MTFMT: variants seen among roughly 807,000 people sequenced by gnomAD.
MTFMT encodes mitochondrial methionyl-tRNA formyltransferase, also known as methionyl-tRNA formyltransferase, mitochondrial.
In MTFMT, 47 loss-of-function variants were observed where a neutral mutation model predicts 51.8. The ratio of observed to expected loss-of-function variants is 0.91; its 90% CI spans 0.72 to 1.16. The LOEUF is 1.16. Ranked by LOEUF, MTFMT falls within the 50% of genes most tolerant of loss-of-function variation. The pLI is 0.00. For missense variants in MTFMT, 512 were observed against 482.3 expected, an observed-to-expected ratio of 1.06 and a Z score of -0.58; for synonymous variants, 196 against 176.7, an observed-to-expected ratio of 1.11 and a Z score of -0.87.
intron 8 of MTFMT, among the ~76,000 whole-genome samples, chr15:65,003,844 T>TAAAA (rs1566938559): frequency 2.2e-4 from 1 of 4,464 alleles, no homozygotes; most frequent in Non-Finnish European, 1.1e-3. Context: ...CAACTCCATC[T>TAAAA]CAAAAAAAAA....
chr15:65,012,281 C>T (rs1247135750), intron 6 of MTFMT, among the ~76,000 whole-genome samples: 2 of 151,078 alleles, frequency 1.3e-5, no homozygotes, highest in Non-Finnish European at 2.9e-5. Flanking sequence ...ACATTGTGCA[C>T]ATGTACCCTA....
intron 6 of MTFMT, among the ~76,000 whole-genome samples, chr15:65,006,457 A>G (rs962765713): frequency 2.6e-5 from 4 of 151,508 alleles, no homozygotes; most frequent in Admixed American, 6.6e-5. Context: ...GCTCACTGCA[A>G]GCTCCGCCTC....
intron 7 of MTFMT, among the ~76,000 whole-genome samples, chr15:65,005,284 C>T (rs1000526101): frequency 6.6e-6 from 1 of 152,160 alleles, no homozygotes; most frequent in African/African-American, 2.4e-5. Flanking sequence ...CCCTTTCATC[C>T]CTGCCCAAAC....
rs550632797 is a variant in MTFMT, at chr15:65,011,024, AACAAATGTC to A, written c.814-4842_814-4834del. 5.6e-3 allele frequency among the ~76,000 whole-genome samples: 859 copies of A among 152,232 alleles called. 2 individuals carry two copies. The highest frequency in any genetic ancestry group is 8.2e-3 in the Non-Finnish European group (555 of 68,020). Reference sequence around the variant, plus strand: ...CCATTCATATTATGTATCTGCTTGAAACAAATGTCTACTCAGGGCCAGGGCAGTGGCTCA... The same window carrying A: ...CCATTCATATTATGTATCTGCTTGAATACTCAGGGCCAGGGCAGTGGCTCA... On this transcript the variant is annotated intron_variant, in intron 6 of 8. Coordinates refer to ENST00000220058, the MANE Select transcript of MTFMT (RefSeq NM_139242.4).
At chr15:65,010,273 G>A (rs1162172521) in intron 6 of MTFMT, among the ~76,000 whole-genome samples, 1 of 151,950 alleles carries the variant, frequency 6.6e-6, no homozygotes, top group African/African-American at 2.4e-5. Context: ...CAAGTCAGTG[G>A]TTTTTAGTAG....
chr15:65,025,230 T>TAAAAAAAAA (rs776662139), intron 2 of MTFMT, among the ~76,000 whole-genome samples: 1 of 92,508 alleles, frequency 1.1e-5, no homozygotes, highest in African/African-American at 4.3e-5. Flanking sequence ...TCCCTGTCTC[T>TAAAAAAAAA]AAAAAAAAAA....
At position 65,002,214 on chromosome 15, in the gene MTFMT, C is replaced by T. The variant is rs982437910; in HGVS notation, c.*848G>A. 8.6e-5 allele frequency: 13 copies of T among 151,568 alleles called. No individual in the cohort carries two copies. Among genetic ancestry groups the T allele is most frequent in the African/African-American group, 2.2e-4 (9 of 41,256 alleles). The allele number at this position is 151,568 out of a possible 1,614,324, so 9.4% of individuals were successfully genotyped here. A position where few individuals can be genotyped will look rare whatever the true frequency, so the allele number is the denominator to read the frequency against. ...GAGATCAAGACCATCCTGGCTAACA[C>T]AGTGAAACCCCATCTCTACTAAAAA... On this transcript the variant is annotated 3_prime_UTR_variant, in exon 9 of 9. Transcript: ENST00000220058.
chr15:65,019,272 C>T (rs1274097685), intron 5 of MTFMT, among the ~76,000 whole-genome samples: 1 of 152,090 alleles, frequency 6.6e-6, no homozygotes, highest in Admixed American at 6.6e-5. Context: ...TCAAGTGGTA[C>T]CTTAAGACTG....
intron 6 of MTFMT, among the ~76,000 whole-genome samples, chr15:65,006,537 C>G (rs1266883383): frequency 6.6e-6 from 1 of 151,944 alleles, no homozygotes; most frequent in Non-Finnish European, 1.5e-5. Context: ...CAACCATGCC[C>G]GGCTAATTTT....
intron 1 of MTFMT, 24 bp from the exon 2 acceptor site, chr15:65,027,064 G>T: frequency 6.3e-7 from 1 of 1,576,476 alleles, no homozygotes; most frequent in Non-Finnish European, 8.7e-7. Context: ...GAAGAAAAAT[G>T]TGACAGTGTT....
At chr15:65,029,276 G>T in intron 1 of MTFMT, 129 bp downstream of exon 1, 1 of 1,297,044 alleles carries the variant, frequency 7.7e-7, no homozygotes, top group South Asian at 2.3e-5. Context: ...AAGACGCCGA[G>T]ATCTGGGCCC....
At chr15:65,017,160 G>T (rs2086330998) in intron 5 of MTFMT, among the ~76,000 whole-genome samples, 1 of 150,390 alleles carries the variant, frequency 6.6e-6, no homozygotes, top group African/African-American at 2.4e-5. Flanking sequence ...AACTGAATTT[G>T]CAAGTTATCT....
intron 6 of MTFMT, among the ~76,000 whole-genome samples, chr15:65,009,658 A>T (rs1008800807): frequency 2.8e-5 from 4 of 142,904 alleles, no homozygotes; most frequent in African/African-American, 5.2e-5. Context: ...TATTTTTTTA[A>T]TTTTTTTTTT....
intron 2 of MTFMT, among the ~76,000 whole-genome samples, chr15:65,025,909 C>G (rs62012460): frequency 2.0e-5 from 3 of 152,092 alleles, no homozygotes; most frequent in Non-Finnish European, 4.4e-5. Context: ...ATTTTGACAA[C>G]TCATGCCACA....
chr15:65,004,982 T>G, intron 7 of MTFMT, 46 bp from the exon 8 acceptor site: 1 of 1,333,262 alleles, frequency 7.5e-7, no homozygotes, highest in Middle Eastern at 1.8e-4. Flanking sequence ...AAAAAGCAAT[T>G]ATGCAACTTC....
chr15:65,029,256 T>C, intron 1 of MTFMT, 149 bp downstream of exon 1: 2 of 1,283,784 alleles, frequency 1.6e-6, no homozygotes, highest in South Asian at 5.0e-5. Context: ...GCGCACCTTC[T>C]GGGAGCCAGA....
At chr15:65,025,788 G>A (rs1445927721) in intron 2 of MTFMT, among the ~76,000 whole-genome samples, 1 of 152,172 alleles carries the variant, frequency 6.6e-6, no homozygotes, top group African/African-American at 2.4e-5. Context: ...GGGGACTAGA[G>A]TTTGGGGACC....
chr15:65,011,872 T>C (rs1452690579), intron 6 of MTFMT, among the ~76,000 whole-genome samples: 1 of 152,138 alleles, frequency 6.6e-6, no homozygotes, highest in Non-Finnish European at 1.5e-5. Context: ...CCAATTTCTC[T>C]ATTTTTAGTC....
intron 6 of MTFMT, among the ~76,000 whole-genome samples, chr15:65,012,799 A>G (rs2140478823): frequency 6.6e-6 from 1 of 152,302 alleles, no homozygotes; most frequent in Admixed American, 6.5e-5. Context: ...GAAAACTATG[A>G]GTCCTCCAAT....
Sources: allele counts gnomAD v4.1 joint callset (sites outside exome capture counted in the v4.1 genomes callset), GRCh38; gene constraint gnomAD v4.1.1; transcripts MANE v1.5; gene names NCBI Gene and HGNC (gene_info 2026-07-23, HGNC 2026-07-21).